TMOD3: variants seen among roughly 807,000 people sequenced by gnomAD.
The protein encoded by TMOD3 is tropomodulin 3, also known as tropomodulin-3.
In TMOD3, 20 loss-of-function variants were observed where a neutral mutation model predicts 39.2. The observed-to-expected ratio is 0.51, with a 90% CI of 0.36 to 0.74. TMOD3 has a LOEUF of 0.74. Ranked by LOEUF, TMOD3 falls within the 30% of genes least tolerant of loss-of-function variation. The pLI is 0.00. For missense variants in TMOD3, 381 were observed against 412.8 expected, an observed-to-expected ratio of 0.92 and a Z score of 0.67; for synonymous variants, 143 against 145.8, an observed-to-expected ratio of 0.98 and a Z score of 0.14.
Position 51,852,090 on chromosome 15 carries a change from T to C in TMOD3, c.-74-10721T>C, listed in dbSNP as rs574460119. Among the ~76,000 whole-genome samples, 51 of 152,354 alleles carry C rather than the reference T, an allele frequency of 3.3e-4. 1 individual carries two copies. The South Asian group carries it at 0.01, about 30-fold the overall frequency. On this transcript the variant is annotated intron_variant, in intron 1 of 9. Coordinates refer to ENST00000308580, the MANE Select transcript of TMOD3 (RefSeq NM_014547.5). ...ATTGGTTTTTGTCTGTATGCCACTT[T>C]TAAAATAGGGCAGGGAGCTTGTCTG... is the stretch of plus-strand genomic sequence containing the variant.
intron 9 of TMOD3, chr15:51,907,307 T>C (rs1305012357): frequency 1.3e-5 from 2 of 152,280 alleles, no homozygotes; most frequent in East Asian, 1.9e-4. Flanking sequence ...CCTATTTTTA[T>C]TGAGTTCTGG....
intron 3 of TMOD3, among the ~76,000 whole-genome samples, chr15:51,873,082 C>A (rs954105475): frequency 6.6e-6 from 1 of 152,166 alleles, no homozygotes; most frequent in African/African-American, 2.4e-5. Context: ...GAAATCCACC[C>A]TAGACTCTCA....
chr15:51,829,871 C>G (rs1308091313), intron 1 of TMOD3, 35 bp downstream of exon 1: 1 of 152,308 alleles, frequency 6.6e-6, no homozygotes, highest in Non-Finnish European at 1.5e-5. Flanking sequence ...GGAAGTCCGT[C>G]TGCGGGCGCG....
chr15:51,878,376 A>ATGTG (rs10586896), intron 3 of TMOD3, among the ~76,000 whole-genome samples: 2,597 of 147,408 alleles, frequency 0.018, 38 homozygotes, highest in African/African-American at 0.04. Context: ...TTTAAAATAT[A>ATGTG]TGTGTGTGTG....
intron 2 of TMOD3, among the ~76,000 whole-genome samples, chr15:51,865,216 A>G (rs1705443073): frequency 6.6e-6 from 1 of 152,150 alleles, no homozygotes; most frequent in East Asian, 1.9e-4. Context: ...GAAAAACATA[A>G]TACCCTCCCC....
At chr15:51,839,178 T>TTTTTTTTTTTTTTTTTTTTTTTTTTTG (rs2056301402) in intron 1 of TMOD3, among the ~76,000 whole-genome samples, 1 of 147,644 alleles carries the variant, frequency 6.8e-6, no homozygotes, top group Non-Finnish European at 1.5e-5. Flanking sequence ...TTTTTTTTTT[T>TTTTTTTTTTTTTTTTTTTTTTTTTTTG]CCATTTTGTT....
rs369178321 is a variant in TMOD3, at chr15:51,896,539, C to G, written c.735+13C>G. 20 of 1,591,104 alleles carry G rather than the reference C, an allele frequency of 1.3e-5. No individual in the cohort carries two copies. The African/African-American group carries it at 2.4e-4, about 19-fold the overall frequency. ...CCCTGTTGCTACTGTAAGTAAGCGA[C>G]TTGAGAATATCAAAATTATGACATG... On this transcript the variant is annotated intron_variant, in intron 7 of 9. Coordinates refer to ENST00000308580, the MANE Select transcript of TMOD3 (RefSeq NM_014547.5).
At chr15:51,858,419 T>A (rs1217214903) in intron 1 of TMOD3, 8 of 126,522 alleles carry the variant, frequency 6.3e-5, no homozygotes, top group Non-Finnish European at 1.7e-5. Flanking sequence ...ACAATGATAA[T>A]AATTTGCTAA....
chr15:51,840,669 A>T (rs1324071045), intron 1 of TMOD3, among the ~76,000 whole-genome samples: 1 of 152,230 alleles, frequency 6.6e-6, no homozygotes, highest in East Asian at 1.9e-4. Flanking sequence ...TGCCCTTCTT[A>T]AATGGAGTCC....
Position 51,891,456 on chromosome 15 carries a change from T to G in TMOD3, c.496+2311T>G, listed in dbSNP as rs150158443. On this transcript the variant is annotated intron_variant, in intron 5 of 9. Transcript: ENST00000308580. Reference sequence around the variant, plus strand: ...GCAAGAATGCTTCATGGGTGGTGACTGAATCATATTAAGAAGCTTATGAAG... The same window carrying G: ...GCAAGAATGCTTCATGGGTGGTGACGGAATCATATTAAGAAGCTTATGAAG... Among the ~76,000 whole-genome samples the G allele has an allele frequency of 1.7e-4, 26 of 152,300 alleles. No homozygotes were observed. In the East Asian group the frequency reaches 5.0e-3, roughly 29 times the overall value.
chr15:51,866,032 A>G (rs751553531), intron 2 of TMOD3, among the ~76,000 whole-genome samples: 13 of 152,208 alleles, frequency 8.5e-5, no homozygotes, highest in Non-Finnish European at 1.5e-4. Flanking sequence ...TGACAATCAT[A>G]TTAAAGAAAA....
In TMOD3 at chr15:51,913,527, TA is replaced by T. The variant is rs1220307826; in HGVS notation, c.*4718del. The T allele has an allele frequency of 5.5e-4, 83 of 152,206 alleles. No homozygotes were observed. Among genetic ancestry groups the T allele is most frequent in the African/African-American group, 1.9e-3 (77 of 41,448 alleles). 9.4% of individuals were successfully genotyped at this position (152,206 alleles called of 1,614,324 possible). A position where few individuals can be genotyped will look rare whatever the true frequency, so the allele number is the denominator to read the frequency against. The stretch of plus-strand genomic sequence containing the variant: ...TCAACCTGTATTGATTTTTCTCCAC[TA>T]TAATTCAGTTCTATAAGTTCTTCCC... On this transcript the variant is annotated 3_prime_UTR_variant, in exon 10 of 10. Coordinates refer to ENST00000308580, the MANE Select transcript of TMOD3 (RefSeq NM_014547.5).
chr15:51,895,972 G>A lies in TMOD3; in HGVS notation c.628-447G>A, dbSNP rs534284596. On this transcript the variant is annotated intron_variant, in intron 6 of 9. Transcript: ENST00000308580. ...AAAAATACAAAATTAGCTGGACCTG[G>A]TGGTGCATGCCTGTAATCTCAGCTA... Among the ~76,000 whole-genome samples, 4 of 152,226 alleles carry A rather than the reference G, an allele frequency of 2.6e-5. No homozygotes were observed. The East Asian group carries it at 5.8e-4, about 22-fold the overall frequency.
chr15:51,830,197 A>G (rs1338885077), intron 1 of TMOD3, among the ~76,000 whole-genome samples: 1 of 151,384 alleles, frequency 6.6e-6, no homozygotes, highest in Admixed American at 6.6e-5. Context: ...GGACGCGATC[A>G]CACCGAGATG....
intron 1 of TMOD3, among the ~76,000 whole-genome samples, chr15:51,832,232 T>TATATATATATATATATATATATATATATA (rs2056260176): frequency 7.3e-6 from 1 of 137,418 alleles, no homozygotes. Context: ...TATATATATA[T>TATATATATATATATATATATATATATATA]GAATGACATG....
intron 1 of TMOD3, among the ~76,000 whole-genome samples, chr15:51,836,736 AGAAAAAAG>A (rs751413711): frequency 3.9e-5 from 2 of 50,760 alleles, no homozygotes; most frequent in African/African-American, 1.5e-4. Flanking sequence ...AAAAAAAAAA[AGAAAAAAG>A]AAAAAAGAAA....
intron 2 of TMOD3, among the ~76,000 whole-genome samples, chr15:51,865,956 C>T (rs1188182507): frequency 6.6e-6 from 1 of 151,708 alleles, no homozygotes; most frequent in Admixed American, 6.6e-5. Context: ...CTTTTTTTCC[C>T]CCCCAAGGCT....
intron 8 of TMOD3, chr15:51,901,246 GA>G (rs2056648591): frequency 6.6e-6 from 1 of 152,384 alleles, no homozygotes. Flanking sequence ...CGGGCCACTA[GA>G]AATAATGCTG....
intron 2 of TMOD3, among the ~76,000 whole-genome samples, chr15:51,864,469 T>C (rs983217339): frequency 5.9e-5 from 9 of 152,046 alleles, no homozygotes; most frequent in Admixed American, 5.2e-4. Flanking sequence ...GTTGTTTTAA[T>C]CAGGTTTGGT....
Sources: allele counts gnomAD v4.1 joint callset (sites outside exome capture counted in the v4.1 genomes callset), GRCh38; gene constraint gnomAD v4.1.1; transcripts MANE v1.5; gene names NCBI Gene and HGNC (gene_info 2026-07-23, HGNC 2026-07-21).